The following MTCL2 variants were observed in gnomAD, a reference collection of about 807,000 sequenced individuals.
The protein encoded by MTCL2 is microtubule crosslinking factor 2, also known as microtubule cross-linking factor 2.
the MTCL2 span, among the ~76,000 whole-genome samples, chr20:36,818,245 G>A: frequency 6.6e-6 from 1 of 152,134 alleles, no homozygotes; most frequent in South Asian, 2.1e-4. Flanking sequence ...ACATCTAGTG[G>A]GAACTGTAAT....
At chr20:36,833,203 A>C in the MTCL2 span, among the ~76,000 whole-genome samples, 1 of 152,228 alleles carries the variant, frequency 6.6e-6, no homozygotes, top group Non-Finnish European at 1.5e-5. Flanking sequence ...AACACATTAC[A>C]TTAACATCAA....
At chr20:36,859,580 T>C in the MTCL2 span, 1 of 1,229,364 alleles carries the variant, frequency 8.1e-7, no homozygotes, top group African/African-American at 1.6e-5. Flanking sequence ...CTACCTTCTC[T>C]GTAGAAGCTC....
the MTCL2 span, chr20:36,794,579 A>G: frequency 7.4e-6 from 12 of 1,614,026 alleles, no homozygotes; most frequent in Non-Finnish European, 1.0e-5. The surrounding 1 kb of genome is among the most constrained non-coding windows in gnomAD (Gnocchi z 5.4). Flanking sequence ...AAACTCAGAC[A>G]TGGAAGAAAC....
chr20:36,818,170 G>A, the MTCL2 span, among the ~76,000 whole-genome samples: 1 of 152,240 alleles, frequency 6.6e-6, no homozygotes, highest in Admixed American at 6.5e-5. Context: ...TTCCCAAGGA[G>A]ACTCTTCCAT....
the MTCL2 span, chr20:36,803,110 G>A: frequency 6.3e-7 from 1 of 1,595,390 alleles, no homozygotes. Flanking sequence ...AGCTCCATCT[G>A]CGGAAAGAAG....
chr20:36,848,160 TGA>T, the MTCL2 span, among the ~76,000 whole-genome samples: 1 of 151,960 alleles, frequency 6.6e-6, no homozygotes, highest in African/African-American at 2.4e-5. Context: ...TAAATAAAAA[TGA>T]GAGAGGGAGA....
At chr20:36,829,060 C>T in the MTCL2 span, 15 of 1,548,478 alleles carry the variant, frequency 9.7e-6, no homozygotes, top group African/African-American at 8.2e-5. Flanking sequence ...TCACCTCTCT[C>T]GGTCGCTCCA....
At chr20:36,779,424 AG>A in the MTCL2 span, 22 of 152,764 alleles carry the variant, frequency 1.4e-4, no homozygotes, top group African/African-American at 5.3e-4. Context: ...GGGAGGAAAA[AG>A]GAGGGATCCA....
chr20:36,805,161 G>A, the MTCL2 span, among the ~76,000 whole-genome samples: 10 of 152,276 alleles, frequency 6.6e-5, no homozygotes, highest in East Asian at 1.9e-3. Flanking sequence ...GCCTAACTCT[G>A]AGCTGAATCA....
At chr20:36,802,850 C>A in the MTCL2 span, 1 of 1,568,486 alleles carries the variant, frequency 6.4e-7, no homozygotes. Flanking sequence ...CAGGGGTGGG[C>A]CTCACCTGGC....
the MTCL2 span, among the ~76,000 whole-genome samples, chr20:36,806,275 A>G: frequency 2.0e-5 from 3 of 152,152 alleles, no homozygotes; most frequent in Non-Finnish European, 4.4e-5. Context: ...GCTTGCTGAT[A>G]GATTCTGGGC....
chr20:36,835,247 C>T, the MTCL2 span, among the ~76,000 whole-genome samples: 51 of 152,238 alleles, frequency 3.4e-4, no homozygotes, highest in African/African-American at 1.2e-3. Flanking sequence ...GGCAAAGGCC[C>T]CACCGAGGTT....
chr20:36,848,845 A>C, the MTCL2 span, among the ~76,000 whole-genome samples: 1 of 152,138 alleles, frequency 6.6e-6, no homozygotes, highest in Non-Finnish European at 1.5e-5. Context: ...TTATATGAGT[A>C]ATATCTGTGA....
the MTCL2 span, among the ~76,000 whole-genome samples, chr20:36,824,588 C>T: frequency 1.3e-5 from 2 of 152,042 alleles, no homozygotes; most frequent in South Asian, 2.1e-4. Context: ...ATAATGGTGA[C>T]GCTACAAAAC....
At chr20:36,803,238 A>C in the MTCL2 span, 2 of 1,363,554 alleles carry the variant, frequency 1.5e-6, no homozygotes, top group East Asian at 5.1e-5. Context: ...ACTAGGGACT[A>C]ACCCAGCTTA....
chr20:36,804,715 C>T, the MTCL2 span: 1 of 1,608,738 alleles, frequency 6.2e-7, no homozygotes, highest in East Asian at 2.2e-5. Flanking sequence ...GGAGAGGCGT[C>T]TGACAGGTGG....
At chr20:36,841,878 T>TGTGGGTGG in the MTCL2 span, among the ~76,000 whole-genome samples, 10 of 76,536 alleles carry the variant, frequency 1.3e-4, no homozygotes, top group Middle Eastern at 7.7e-3. Context: ...GGGTGGGGTG[T>TGTGGGTGG]GTGTGTGTGT....
chr20:36,830,611 T>A, the MTCL2 span, among the ~76,000 whole-genome samples: 1 of 152,132 alleles, frequency 6.6e-6, no homozygotes, highest in Non-Finnish European at 1.5e-5. Context: ...AGAGAGGGGA[T>A]TGAGCTGCAG....
chr20:36,822,291 C>T, the MTCL2 span, among the ~76,000 whole-genome samples: 2 of 152,280 alleles, frequency 1.3e-5, no homozygotes, highest in African/African-American at 2.4e-5. Context: ...TGTTCTGGCT[C>T]TGGGCCTTGG....
Sources: gnomAD v4.1 joint callset for allele counts (sites outside exome capture counted in the v4.1 genomes callset) on GRCh38, gnomAD v4.1.1 for gene constraint, Gnocchi (gnomAD v3.1) non-coding constraint, MANE v1.5 for transcripts, NCBI Gene and HGNC (gene_info 2026-07-23, HGNC 2026-07-21) for gene names.